The following PCDH11Y variants were observed in gnomAD, a reference collection of about 807,000 sequenced individuals.
PCDH11Y encodes protocadherin 11 Y-linked.
For missense variants in PCDH11Y, 12 were observed against 224.8 expected, an observed-to-expected ratio of 0.05 and a Z score of 6.05; for synonymous variants, 9 against 83.6, an observed-to-expected ratio of 0.11 and a Z score of 4.87.
At chrY:5,641,803 G>A (rs2053523357) in intron 4 of PCDH11Y, among the ~76,000 whole-genome samples, 1 of 33,309 alleles carries the variant, frequency 3.0e-5, no homozygotes, top group African/African-American at 1.2e-4. Context: ...TCTTCAATAT[G>A]TAAAAAACAC....
chrY:5,047,365 A>T, intron 3 of PCDH11Y, among the ~76,000 whole-genome samples: 3 of 31,906 alleles, frequency 9.4e-5, no homozygotes. Context: ...TGAAGAGCTC[A>T]ATCTTTGTGT....
intron 2 of PCDH11Y, among the ~76,000 whole-genome samples, chrY:5,478,883 T>A (rs1262119549): frequency 3.1e-5 from 1 of 32,070 alleles, no homozygotes; most frequent in East Asian, 8.1e-4. Flanking sequence ...TCCATTTGCT[T>A]GGTAAATCTT....
intron 2 of PCDH11Y, among the ~76,000 whole-genome samples, chrY:5,262,020 G>A (rs2053019047): frequency 6.0e-5 from 2 of 33,346 alleles, no homozygotes. Flanking sequence ...TCACTGATGG[G>A]CATTTGGGTT....
At chrY:5,433,720 T>A in intron 2 of PCDH11Y, among the ~76,000 whole-genome samples, 1 of 32,091 alleles carries the variant, frequency 3.1e-5, no homozygotes, top group Non-Finnish European at 7.6e-5. Context: ...CTCCTAGGCT[T>A]AAGTGATCCT....
At chrY:5,309,328 T>A (rs2124664202) in intron 2 of PCDH11Y, among the ~76,000 whole-genome samples, 8 of 33,064 alleles carry the variant, frequency 2.4e-4, no homozygotes, top group Admixed American at 1.7e-3. Flanking sequence ...GAGAGCTTTT[T>A]AAAGAGTGAT....
At chrY:5,436,798 C>T in intron 2 of PCDH11Y, among the ~76,000 whole-genome samples, 1 of 32,889 alleles carries the variant, frequency 3.0e-5, no homozygotes, top group Non-Finnish European at 7.5e-5. Context: ...AATTCAATTG[C>T]TATCATAATA....
At chrY:5,362,392 G>T (rs1602911625) in intron 2 of PCDH11Y, among the ~76,000 whole-genome samples, 7 of 30,558 alleles carry the variant, frequency 2.3e-4, no homozygotes, top group African/African-American at 5.1e-4. Context: ...TTTGTTACTG[G>T]CATCTTTCAC....
intron 2 of PCDH11Y, among the ~76,000 whole-genome samples, chrY:5,175,365 CT>C (rs2052892217): frequency 8.0e-3 from 206 of 25,865 alleles, no homozygotes; most frequent in African/African-American, 0.022. Context: ...TTGGAAATTT[CT>C]TTTTTTTTTT....
intron 2 of PCDH11Y, among the ~76,000 whole-genome samples, chrY:5,357,701 G>A: frequency 3.0e-5 from 1 of 32,853 alleles, no homozygotes; most frequent in Non-Finnish European, 7.4e-5. Context: ...ACATCAAGTA[G>A]ATTTTAGACT....
At chrY:5,374,262 G>C (rs1602914537) in intron 2 of PCDH11Y, among the ~76,000 whole-genome samples, 1 of 30,082 alleles carries the variant, frequency 3.3e-5, no homozygotes, top group East Asian at 8.6e-4. Context: ...GAGAATAAAT[G>C]TGCATATTTA....
chrY:5,503,545 T>C, intron 3 of PCDH11Y, among the ~76,000 whole-genome samples: 1 of 32,610 alleles, frequency 3.1e-5, no homozygotes, highest in Non-Finnish European at 7.6e-5. Context: ...CCCTAAATCA[T>C]GTTCCAAGAA....
intron 2 of PCDH11Y, among the ~76,000 whole-genome samples, chrY:5,133,267 G>T: frequency 3.1e-5 from 1 of 32,026 alleles, no homozygotes; most frequent in Admixed American, 2.9e-4. Context: ...TTTTATTGCT[G>T]CTACATATGT....
At chrY:5,248,197 A>G (rs2052999456) in intron 2 of PCDH11Y, among the ~76,000 whole-genome samples, 2 of 26,603 alleles carry the variant, frequency 7.5e-5, no homozygotes, top group African/African-American at 1.5e-4. Context: ...AAACAATTGT[A>G]AAGGAGGGAC....
intron 2 of PCDH11Y, among the ~76,000 whole-genome samples, chrY:5,320,852 G>A: frequency 3.0e-5 from 1 of 32,823 alleles, no homozygotes; most frequent in African/African-American, 1.2e-4. Context: ...ATATATGCAG[G>A]CCCCTTTTCC....
At chrY:5,456,320 G>A in intron 2 of PCDH11Y, among the ~76,000 whole-genome samples, 1 of 33,133 alleles carries the variant, frequency 3.0e-5, no homozygotes, top group Non-Finnish European at 7.4e-5. Flanking sequence ...ATGGTTGCAG[G>A]GCTGCAGAGG....
At chrY:5,612,127 C>T (rs2053488005) in intron 4 of PCDH11Y, among the ~76,000 whole-genome samples, 1 of 28,912 alleles carries the variant, frequency 3.5e-5, no homozygotes, top group African/African-American at 1.4e-4. Context: ...AGAAATCACC[C>T]GTCTTCTGCG....
At chrY:5,281,373 T>C in intron 2 of PCDH11Y, among the ~76,000 whole-genome samples, 1 of 32,789 alleles carries the variant, frequency 3.0e-5, no homozygotes, top group African/African-American at 1.2e-4. Flanking sequence ...AATCTGTTTT[T>C]TACTTAAAAA....
At chrY:5,192,089 A>G in intron 2 of PCDH11Y, among the ~76,000 whole-genome samples, 1 of 32,196 alleles carries the variant, frequency 3.1e-5, no homozygotes, top group East Asian at 8.5e-4. Flanking sequence ...GAACTGCTCA[A>G]AGGATCTAGA....
chrY:5,082,783 T>C, intron 1 of PCDH11Y, among the ~76,000 whole-genome samples: 1 of 32,129 alleles, frequency 3.1e-5, no homozygotes, highest in Non-Finnish European at 7.6e-5. Flanking sequence ...GTTCTGTCCA[T>C]AAACCCCTGA....
Sources: gnomAD v4.1 joint callset for allele counts (sites outside exome capture counted in the v4.1 genomes callset) on GRCh38, gnomAD v4.1.1 for gene constraint, MANE v1.5 for transcripts, NCBI Gene and HGNC (gene_info 2026-07-23, HGNC 2026-07-21) for gene names.